The following AGBL4 variants were observed in gnomAD, a reference collection of about 807,000 sequenced individuals.
AGBL4 encodes the protein cytosolic carboxypeptidase 6.
AGBL4 carries 58 observed loss-of-function variants against 66.4 expected under a neutral mutation model. The observed-to-expected ratio is 0.87, with a 90% CI of 0.71 to 1.09. The LOEUF (loss-of-function observed/expected upper bound fraction) is 1.09. Among genes scored for constraint, AGBL4 ranks in the 50% least tolerant of loss-of-function variants. The pLI is 0.00. For missense variants in AGBL4, 579 were observed against 631.0 expected (o/e 0.92, Z 0.88); for synonymous variants, 234 against 222.9 (o/e 1.05, Z -0.44).
chr1:49,899,281 A>T (rs1039730191), intron 1 of AGBL4, among the ~76,000 whole-genome samples: 1 of 152,116 alleles, frequency 6.6e-6, no homozygotes, highest in Non-Finnish European at 1.5e-5. Flanking sequence ...AAATAAAAAA[A>T]AAATTAAAAT....
intron 9 of AGBL4, among the ~76,000 whole-genome samples, chr1:48,625,124 CCTTCCTTCCTTCCTTCCTTT>C (rs1645481606): frequency 1.1e-5 from 1 of 87,352 alleles, no homozygotes; most frequent in South Asian, 4.7e-4. Flanking sequence ...TTCCTTCCTT[CCTTCCTTCCTTCCTTCCTTT>C]CTCTTTCTCT....
intron 5 of AGBL4, among the ~76,000 whole-genome samples, chr1:48,976,027 T>G (rs76976390): frequency 0.012 from 1,800 of 152,278 alleles, 31 homozygotes; most frequent in African/African-American, 0.04. Flanking sequence ...TGTCTTCTTA[T>G]TAATAGCCTA....
At chr1:49,506,016 C>T (rs982679437) in intron 3 of AGBL4, among the ~76,000 whole-genome samples, 9 of 151,796 alleles carry the variant, frequency 5.9e-5, no homozygotes, top group African/African-American at 2.2e-4. Context: ...TTTTTCATTT[C>T]ACTCATTGTA....
At chr1:49,328,881 C>T (rs1645275356) in intron 3 of AGBL4, among the ~76,000 whole-genome samples, 1 of 152,166 alleles carries the variant, frequency 6.6e-6, no homozygotes. Flanking sequence ...CTTGGGCCAT[C>T]TTAGTGTAGG....
chr1:49,773,313 A>C (rs543812524), intron 2 of AGBL4, among the ~76,000 whole-genome samples: 17 of 152,258 alleles, frequency 1.1e-4, no homozygotes, highest in Admixed American at 2.0e-4. Context: ...AGGACCTGTT[A>C]CTGGAAACTT....
chr1:50,008,060 C>A (rs1333892554), intron 1 of AGBL4, among the ~76,000 whole-genome samples: 1 of 151,914 alleles, frequency 6.6e-6, no homozygotes, highest in Non-Finnish European at 1.5e-5. Flanking sequence ...ATAGATAGAC[C>A]CCAATACAAT....
intron 8 of AGBL4, chr1:48,647,586 G>T (rs560845501): frequency 4.0e-5 from 18 of 453,326 alleles, no homozygotes; most frequent in African/African-American, 3.2e-4. Flanking sequence ...TGGCTCTATG[G>T]AATACACAAT....
intron 3 of AGBL4, among the ~76,000 whole-genome samples, chr1:49,448,184 G>A (rs1646201066): frequency 6.6e-6 from 1 of 152,092 alleles, no homozygotes; most frequent in Non-Finnish European, 1.5e-5. Flanking sequence ...AATCTCTGTT[G>A]CATATGACAG....
intron 3 of AGBL4, among the ~76,000 whole-genome samples, chr1:49,510,490 G>T (rs1375827977): frequency 6.7e-6 from 1 of 150,206 alleles, no homozygotes. Context: ...TTAGCCCTTT[G>T]TCAGATGAGT....
intron 4 of AGBL4, among the ~76,000 whole-genome samples, chr1:49,135,247 AT>A (rs1005427307): frequency 2.0e-5 from 3 of 152,106 alleles, no homozygotes; most frequent in Non-Finnish European, 4.4e-5. Context: ...GATATATAAA[AT>A]GTTTGTGGGT....
intron 1 of AGBL4, among the ~76,000 whole-genome samples, chr1:49,910,025 C>T (rs968555461): frequency 3.3e-5 from 5 of 152,118 alleles, no homozygotes; most frequent in South Asian, 2.1e-4. Flanking sequence ...GTAGAGATGT[C>T]GAGGCTTAAG....
intron 2 of AGBL4, among the ~76,000 whole-genome samples, chr1:49,704,129 A>C (rs915901901): frequency 2.6e-5 from 4 of 152,084 alleles, no homozygotes; most frequent in Non-Finnish European, 5.9e-5. Flanking sequence ...ATTCAGAGGA[A>C]CCACAATCAA....
intron 3 of AGBL4, among the ~76,000 whole-genome samples, chr1:49,584,797 A>G (rs1411859700): frequency 6.6e-6 from 1 of 152,218 alleles, no homozygotes; most frequent in Non-Finnish European, 1.5e-5. Context: ...ATGATTAAAT[A>G]TTTAAAGTAT....
rs961932587 is a variant in AGBL4, at chr1:49,877,060, T to A, written c.35-25542A>T. On this transcript the variant is annotated intron_variant, in intron 1 of 13. Coordinates refer to ENST00000371839, the MANE Select transcript of AGBL4 (RefSeq NM_032785.4). ...TTATCAGCTTAAGGAGATTTTGGGCTGAGACGATGGGGTTTTCTAGATAAA... is the reference window on the plus strand; with the variant it reads ...TTATCAGCTTAAGGAGATTTTGGGCAGAGACGATGGGGTTTTCTAGATAAA... Among the ~76,000 whole-genome samples, 445 of 151,876 alleles carry A rather than the reference T, an allele frequency of 2.9e-3. 3 individuals carry two copies. Among genetic ancestry groups the A allele is most frequent in the Admixed American group, 0.027 (418 of 15,256 alleles).
At chr1:49,103,040 T>C (rs2148005133) in intron 4 of AGBL4, among the ~76,000 whole-genome samples, 1 of 152,284 alleles carries the variant, frequency 6.6e-6, no homozygotes, top group East Asian at 1.9e-4. Context: ...GATATAAATT[T>C]CTACATAGCT....
intron 6 of AGBL4, among the ~76,000 whole-genome samples, chr1:48,676,258 T>C (rs1220654046): frequency 6.6e-6 from 1 of 152,252 alleles, no homozygotes; most frequent in Non-Finnish European, 1.5e-5. Context: ...GGCAGAGCCA[T>C]TCATTTAGAA....
At chr1:49,476,337 A>G (rs1363057012) in intron 3 of AGBL4, among the ~76,000 whole-genome samples, 1 of 152,044 alleles carries the variant, frequency 6.6e-6, no homozygotes, top group Non-Finnish European at 1.5e-5. Context: ...AATGTGGTCA[A>G]TCTTAGAGTA....
rs1249903437 is a variant in AGBL4 at position 49,679,645 on chromosome 1, AC to A, written c.282+17667del. Among the ~76,000 whole-genome samples, 88 of 151,860 alleles carry A rather than the reference AC, an allele frequency of 5.8e-4. 1 individual carries two copies. The highest frequency in any genetic ancestry group is 2.1e-3 in the African/African-American group (85 of 41,346). ...TCTCTCTGTATTCATGTCTCCATTT[AC>A]TTTTTCTGGGCTTTCTGTAGGTTAA... On this transcript the variant is annotated intron_variant, in intron 3 of 13. Coordinates refer to ENST00000371839, the MANE Select transcript of AGBL4 (RefSeq NM_032785.4).
At chr1:49,330,289 C>G (rs1224503674) in intron 3 of AGBL4, among the ~76,000 whole-genome samples, 1 of 152,158 alleles carries the variant, frequency 6.6e-6, no homozygotes, top group Non-Finnish European at 1.5e-5. Context: ...TAGTGGTGCA[C>G]ACCTGTAATT....
Sources: gnomAD v4.1 joint callset for allele counts (sites outside exome capture counted in the v4.1 genomes callset) on GRCh38, gnomAD v4.1.1 for gene constraint, MANE v1.5 for transcripts, NCBI Gene and HGNC (gene_info 2026-07-23, HGNC 2026-07-21) for gene names.